UNC79: variants seen among roughly 807,000 people sequenced by gnomAD.
The protein encoded by UNC79 is protein unc-79 homolog.
In UNC79, 37 loss-of-function variants were observed where a neutral mutation model predicts 283.1. That is an observed-to-expected ratio of 0.13 (90% CI 0.10 to 0.17). UNC79 has a LOEUF of 0.17. UNC79 is among the 10% of genes least tolerant of loss of function. The pLI is 1.00. For synonymous variants in UNC79, 1,107 were observed against 1,200.2 expected, an observed-to-expected ratio of 0.92 and a Z score of 1.61; for missense variants, 2,272 against 3,211.1, an observed-to-expected ratio of 0.71 and a Z score of 7.07.
intron 5 of UNC79, among the ~76,000 whole-genome samples, chr14:93,492,929 T>C (rs557734343): frequency 3.8e-4 from 58 of 152,306 alleles, no homozygotes; most frequent in African/African-American, 1.4e-3. Context: ...CACTGGGGGC[T>C]CCATGGTTAG....
At chr14:93,590,866 A>G (rs986767525) in intron 22 of UNC79, among the ~76,000 whole-genome samples, 3 of 152,200 alleles carry the variant, frequency 2.0e-5, no homozygotes, top group African/African-American at 7.2e-5. Context: ...TGAAGGCACA[A>G]ATTATATCTT....
At chr14:93,380,337 CT>C (rs2054642028) in intron 1 of UNC79, among the ~76,000 whole-genome samples, 1 of 152,130 alleles carries the variant, frequency 6.6e-6, no homozygotes, top group Admixed American at 6.6e-5. Flanking sequence ...TGAAGACTGC[CT>C]TCCCCCATTT....
intron 7 of UNC79, among the ~76,000 whole-genome samples, chr14:93,509,768 G>A (rs902707784): frequency 3.3e-5 from 5 of 152,076 alleles, no homozygotes; most frequent in Non-Finnish European, 5.9e-5. Flanking sequence ...TTGAGTACCC[G>A]CAGCTTTTCC....
At chr14:93,361,179 T>G (rs1323879528) in intron 1 of UNC79, among the ~76,000 whole-genome samples, 1 of 125,134 alleles carries the variant, frequency 8.0e-6, no homozygotes, top group African/African-American at 3.2e-5. Context: ...GCCACTGCAC[T>G]CTAGCCTGGG....
intron 40 of UNC79, among the ~76,000 whole-genome samples, chr14:93,665,007 A>G (rs963519957): frequency 6.6e-6 from 1 of 152,064 alleles, no homozygotes; most frequent in African/African-American, 2.4e-5. Flanking sequence ...ATTTCCCACA[A>G]GAACTTTCAA....
chr14:93,463,342 AGTGG>A (rs1480431938), intron 1 of UNC79, among the ~76,000 whole-genome samples: 2 of 152,098 alleles, frequency 1.3e-5, no homozygotes, highest in Non-Finnish European at 2.9e-5. Context: ...AACTGGAGTG[AGTGG>A]AAGGAGGAAT....
chr14:93,527,215 A>G (rs2060586087), intron 8 of UNC79, among the ~76,000 whole-genome samples: 1 of 152,256 alleles, frequency 6.6e-6, no homozygotes, highest in African/African-American at 2.4e-5. Flanking sequence ...GGTTCTGGCA[A>G]ACTATGGCCC....
intron 1 of UNC79, among the ~76,000 whole-genome samples, chr14:93,387,800 C>T (rs554956864): frequency 3.9e-5 from 6 of 152,276 alleles, no homozygotes; most frequent in South Asian, 2.1e-4. Context: ...TTGTTGATTT[C>T]GTCTGGAAGA....
chr14:93,692,646 A>C (rs1277433266), intron 46 of UNC79, among the ~76,000 whole-genome samples: 1 of 152,180 alleles, frequency 6.6e-6, no homozygotes, highest in African/African-American at 2.4e-5. Context: ...ATAGGGACCT[A>C]TGCTCCCCAA....
At chr14:93,557,898 C>T (rs771739119) in intron 14 of UNC79, among the ~76,000 whole-genome samples, 15 of 152,122 alleles carry the variant, frequency 9.9e-5, no homozygotes, top group Non-Finnish European at 2.1e-4. Context: ...TAAGGCTAGC[C>T]ATGACATTAT....
intron 7 of UNC79, among the ~76,000 whole-genome samples, chr14:93,520,988 A>G (rs1453418694): frequency 2.0e-5 from 3 of 151,932 alleles, no homozygotes; most frequent in Non-Finnish European, 2.9e-5. Flanking sequence ...TGATTGTTAC[A>G]TTATTGAGTG....
At chr14:93,338,315 A>T in intron 1 of UNC79, among the ~76,000 whole-genome samples, 1 of 152,132 alleles carries the variant, frequency 6.6e-6, no homozygotes. Context: ...ATCTCTTGCC[A>T]TGTGACACTG....
chr14:93,402,515 GA>G (rs2055132163), intron 1 of UNC79, among the ~76,000 whole-genome samples: 1 of 151,854 alleles, frequency 6.6e-6, no homozygotes, highest in South Asian at 2.1e-4. Flanking sequence ...TTAAATATAT[GA>G]AAATGAAATA....
At chr14:93,626,081 G>C (rs2067549494) in intron 30 of UNC79, among the ~76,000 whole-genome samples, 1 of 152,106 alleles carries the variant, frequency 6.6e-6, no homozygotes, top group East Asian at 1.9e-4. Flanking sequence ...AATGTTGGCT[G>C]GTATCATTTT....
intron 38 of UNC79, among the ~76,000 whole-genome samples, chr14:93,655,644 GAAAAAAA>G (rs59172906): frequency 3.7e-5 from 3 of 81,760 alleles, no homozygotes; most frequent in African/African-American, 8.3e-5. Flanking sequence ...CAGTTGATTT[GAAAAAAA>G]AAAAAAAAAA....
At chr14:93,544,136 A>T (rs1395926732) in intron 14 of UNC79, among the ~76,000 whole-genome samples, 1 of 152,218 alleles carries the variant, frequency 6.6e-6, no homozygotes, top group Non-Finnish European at 1.5e-5. Flanking sequence ...ATGTTGGGAG[A>T]AAAACTTTTC....
At chr14:93,576,513 T>C (rs547590999) in intron 17 of UNC79, among the ~76,000 whole-genome samples, 1 of 152,324 alleles carries the variant, frequency 6.6e-6, no homozygotes, top group African/African-American at 2.4e-5. Flanking sequence ...GATTCAGAAT[T>C]TATCCCAGAT....
chr14:93,511,094 GA>G (rs1291347756), intron 7 of UNC79, among the ~76,000 whole-genome samples: 2 of 152,182 alleles, frequency 1.3e-5, no homozygotes, highest in African/African-American at 4.8e-5. Flanking sequence ...GCGGTGGCAG[GA>G]GGGAGAGGTG....
At chr14:93,589,252 C>A (rs190488351) in intron 22 of UNC79, among the ~76,000 whole-genome samples, 1 of 152,212 alleles carries the variant, frequency 6.6e-6, no homozygotes, top group East Asian at 1.9e-4. Context: ...AAAGGGTTTA[C>A]TGGGGACCGG....
Sources: allele counts gnomAD v4.1 joint callset (sites outside exome capture counted in the v4.1 genomes callset), GRCh38; gene constraint gnomAD v4.1.1; transcripts MANE v1.5; gene names NCBI Gene and HGNC (gene_info 2026-07-23, HGNC 2026-07-21).